Variants in DPP3 observed in about 807,000 individuals in gnomAD.
DPP3 encodes the protein dipeptidyl peptidase 3.
In DPP3, 64 loss-of-function variants were observed where a neutral mutation model predicts 89.8. The ratio of observed to expected loss-of-function variants is 0.71; its 90% CI spans 0.58 to 0.88. The LOEUF (loss-of-function observed/expected upper bound fraction) is 0.88, where lower values mean the gene tolerates loss of function less well. Among genes scored for constraint, DPP3 ranks in the 40% least tolerant of loss-of-function variants. The pLI is 0.00. For missense variants in DPP3, 835 were observed against 972.5 expected (o/e 0.86, Z 1.88); for synonymous variants, 377 against 404.3 (o/e 0.93, Z 0.81).
At chr11:66,508,226 G>T (rs772504097) in intron 17 of DPP3, among the ~76,000 whole-genome samples, 4 of 152,194 alleles carry the variant, frequency 2.6e-5, no homozygotes, top group South Asian at 4.1e-4. Context: ...GTGTTTGAGG[G>T]CAGTGCTTCC....
At chr11:66,487,761 C>T (rs188498098) in intron 5 of DPP3, among the ~76,000 whole-genome samples, 153 bp from the exon 6 acceptor site, 1 of 152,226 alleles carries the variant, frequency 6.6e-6, no homozygotes, top group African/African-American at 2.4e-5. Context: ...GCTGCCCACT[C>T]CCACTCTCTC....
chr11:66,487,556 C>T lies in DPP3; in HGVS notation c.573+214C>T, dbSNP rs189417507. Among the ~76,000 whole-genome samples, 4 of 152,242 alleles carry T rather than the reference C, an allele frequency of 2.6e-5. No homozygotes were observed. In the East Asian group the frequency reaches 5.8e-4, roughly 22 times the overall value. On this transcript the variant is annotated intron_variant, in intron 5 of 17. Transcript: ENST00000531863. ...CTCAGGCCACAGGGGTGTGAGGCTC[C>T]GGGGTCCATGTGTCAGTGGTGCTCC... is the stretch of plus-strand genomic sequence containing the variant.
chr11:66,497,553 A>AT, intron 16 of DPP3, 76 bp downstream of exon 16: 2 of 1,522,248 alleles, frequency 1.3e-6, no homozygotes, highest in Non-Finnish European at 1.8e-6. Flanking sequence ...GGCACGGAGA[A>AT]TAAGCTGTGA....
intron 12 of DPP3, 84 bp downstream of exon 12, chr11:66,493,717 C>T: frequency 7.1e-7 from 1 of 1,402,526 alleles, no homozygotes; most frequent in South Asian, 1.3e-5. Flanking sequence ...GAAGCTGCTC[C>T]AGCCTCTGCC....
chr11:66,508,809 G>A (rs1855868331), intron 17 of DPP3, among the ~76,000 whole-genome samples: 1 of 152,178 alleles, frequency 6.6e-6, no homozygotes, highest in Admixed American at 6.5e-5. Flanking sequence ...ACAGGCATGA[G>A]CCACCATGCC....
At chr11:66,491,440 C>T (rs973188244) in intron 7 of DPP3, 54 bp from the exon 8 acceptor site, 20 of 1,600,508 alleles carry the variant, frequency 1.2e-5, no homozygotes, top group East Asian at 2.2e-5. Flanking sequence ...GGCAGCAGAG[C>T]GGGTGTGGAG....
rs778841071 is a variant in DPP3, at chr11:66,491,742, G to A, written c.974G>A (p.Arg325Gln). The change falls in exon 9 of 18, where the codon CGA (arginine) becomes CAA (glutamine). Residue 325 changes from arginine (R) to glutamine (Q), a missense_variant. Physicochemically the swap from Arg to Gln is conservative, Grantham distance 43. Coordinates refer to ENST00000531863, the MANE Select transcript of DPP3 (RefSeq NM_130443.4). ...IESYRDPFGS[R>Q]GEFEGFVAVV... Reference sequence around the variant, plus strand: ...AGCTACCGCGACCCCTTTGGTTCCCGAGGAGAATTTGAAGGTAACTTCCTC... The same window carrying A: ...AGCTACCGCGACCCCTTTGGTTCCCAAGGAGAATTTGAAGGTAACTTCCTC... 3.1e-6 allele frequency: 5 copies of A among 1,610,368 alleles called. No individual in the cohort carries two copies. The highest frequency in any genetic ancestry group is 1.1e-5 in the South Asian group (1 of 91,006).
chr11:66,489,877 C>T (rs933407295), intron 6 of DPP3, among the ~76,000 whole-genome samples: 1 of 152,176 alleles, frequency 6.6e-6, no homozygotes, highest in Non-Finnish European at 1.5e-5. Context: ...AGCTGGGCTC[C>T]AAGAGTGAGC....
chr11:66,492,458 G>A (rs901634488), intron 9 of DPP3: 7 of 445,832 alleles, frequency 1.6e-5, no homozygotes, highest in Non-Finnish European at 2.8e-5. Flanking sequence ...ACCTGTTGGG[G>A]CTCAGGGATG....
chr11:66,503,244 G>C (rs183913659), intron 16 of DPP3, among the ~76,000 whole-genome samples: 56 of 152,280 alleles, frequency 3.7e-4, no homozygotes, highest in African/African-American at 1.3e-3. Context: ...TGGGATTACA[G>C]GTATGAGCCA....
Position 66,509,436 on chromosome 11 carries a change from C to T in DPP3, c.*185C>T. On this transcript the variant is annotated 3_prime_UTR_variant, in exon 18 of 18. Transcript: ENST00000531863. ...CACTTTCCAGCCTGCCAATTGCTTC[C>T]CCTCTGTGATCTCATTTCATCTGCA... is the stretch of plus-strand genomic sequence containing the variant. The T allele has an allele frequency of 1.3e-6, 2 of 1,528,938 alleles. No individual in the cohort carries two copies. Among genetic ancestry groups the T allele is most frequent in the Non-Finnish European group, 8.8e-7 (1 of 1,140,446 alleles). 94.7% of individuals were successfully genotyped at this position (1,528,938 alleles called of 1,614,324 possible). A position where few individuals can be genotyped will look rare whatever the true frequency, so the allele number is the denominator to read the frequency against.
At chr11:66,497,761 C>T (rs61890365) in intron 16 of DPP3, among the ~76,000 whole-genome samples, 2,700 of 151,970 alleles carry the variant, frequency 0.018, 29 homozygotes, top group Non-Finnish European at 0.028. Flanking sequence ...TATGGTAGTG[C>T]GCACCTGTAG....
In DPP3 at chr11:66,491,308, A is replaced by C; in HGVS notation, c.723A>C (p.Gly241=). 1 of 1,613,974 alleles carries C rather than the reference A, an allele frequency of 6.2e-7. No individual in the cohort carries two copies. Among genetic ancestry groups the C allele is most frequent in the Non-Finnish European group, 8.5e-7 (1 of 1,179,998 alleles). ...TSKLKSYEFR[G]SPFQVTRGDY... is the part of the protein sequence containing the mutation. ...AGCTGAAGAGCTATGAATTCCGGGGAAGCCCTTTCCAGGTGACCCGGGGGG... is the reference window on the plus strand; with the variant it reads ...AGCTGAAGAGCTATGAATTCCGGGGCAGCCCTTTCCAGGTGACCCGGGGGG... Residue 241 remains glycine, a synonymous_variant, in exon 7 of 18, where the codon GGA becomes GGC. Coordinates refer to ENST00000531863, the MANE Select transcript of DPP3 (RefSeq NM_130443.4).
rs1855418425 is a variant in DPP3, at chr11:66,492,514, A to G, written c.989-202A>G. 5.4e-6 allele frequency: 3 copies of G among 555,422 alleles called. No homozygotes were observed. In the Admixed American group the frequency reaches 1.1e-4, roughly 21 times the overall value. 34.4% of individuals were successfully genotyped at this position (555,422 alleles called of 1,614,324 possible). ...GGCAGGCGGCCCAGGGGCCTGAGGGAGAGACGGGTTTGTGCAGCTGCATCT... is the reference window on the plus strand; with the variant it reads ...GGCAGGCGGCCCAGGGGCCTGAGGGGGAGACGGGTTTGTGCAGCTGCATCT... On this transcript the variant is annotated intron_variant, in intron 9 of 17. Coordinates refer to ENST00000531863, the MANE Select transcript of DPP3 (RefSeq NM_130443.4).
At chr11:66,496,000 G>A (rs938325366) in intron 15 of DPP3, among the ~76,000 whole-genome samples, 2 of 152,134 alleles carry the variant, frequency 1.3e-5, no homozygotes, top group Admixed American at 6.5e-5. Flanking sequence ...AGGACTCCTC[G>A]CAGTTGACGC....
At chr11:66,493,382 G>T (rs1053344647) in intron 11 of DPP3, among the ~76,000 whole-genome samples, 159 bp from the exon 12 acceptor site, 1 of 152,244 alleles carries the variant, frequency 6.6e-6, no homozygotes, top group Non-Finnish European at 1.5e-5. Context: ...CTTCCTCCTG[G>T]GTTGTTGCAA....
At chr11:66,481,711 G>A (rs927940391) in intron 1 of DPP3, among the ~76,000 whole-genome samples, 2 of 151,514 alleles carry the variant, frequency 1.3e-5, no homozygotes, top group African/African-American at 2.4e-5. Context: ...GCAATGGTGC[G>A]GTCTCAGCTC....
chr11:66,491,101 C>T lies in DPP3; in HGVS notation c.668-152C>T, dbSNP rs1855371033. The T allele has an allele frequency of 5.8e-6, 7 of 1,205,248 alleles. No homozygotes were observed. The East Asian group carries it at 1.7e-4, about 29-fold the overall frequency. The allele number at this position is 1,205,248 out of a possible 1,614,324, so 74.7% of individuals were successfully genotyped here. A position where few individuals can be genotyped will look rare whatever the true frequency, so the allele number is the denominator to read the frequency against. On this transcript the variant is annotated intron_variant, in intron 6 of 17. Coordinates refer to ENST00000531863, the MANE Select transcript of DPP3 (RefSeq NM_130443.4). ...ATTTTTTTGAAGTTGAGAGTTTATG[C>T]TCATGTCTGTTGGCTACAGGGAGCC... is the stretch of plus-strand genomic sequence containing the variant.
intron 1 of DPP3, chr11:66,480,704 T>C (rs1033308582): frequency 4.8e-6 from 2 of 420,336 alleles, no homozygotes; most frequent in East Asian, 3.7e-5. Context: ...GCGAGGAGGC[T>C]GGACACTCTG....
Sources: gnomAD v4.1 joint callset for allele counts (sites outside exome capture counted in the v4.1 genomes callset) on GRCh38, gnomAD v4.1.1 for gene constraint, MANE v1.5 for transcripts, NCBI Gene and HGNC (gene_info 2026-07-23, HGNC 2026-07-21) for gene names.